Variants in TSC2 observed in about 807,000 individuals in gnomAD.
TSC2 encodes TSC complex subunit 2.
Under a neutral mutation model 202.2 loss-of-function variants are expected in TSC2, and 29 were observed. The ratio of observed to expected loss-of-function variants is 0.14; its 90% CI spans 0.11 to 0.20. The LOEUF (loss-of-function observed/expected upper bound fraction) is 0.20, where lower values mean the gene tolerates loss of function less well. TSC2 is among the 10% of genes least tolerant of loss of function. TSC2 has a pLI of 1.00. For missense variants in TSC2, 2,429 were observed against 2,420.0 expected (o/e 1.00, Z -0.08); for synonymous variants, 1,349 against 1,044.0 (o/e 1.29, Z -5.63).
At chr16:2,078,836 C>T in intron 26 of TSC2, 196 bp from the exon 27 acceptor site, 1 of 679,012 alleles carries the variant, frequency 1.5e-6, no homozygotes, top group Non-Finnish European at 2.5e-6. Flanking sequence ...CTTCCCCACC[C>T]AGCGTCTCCC....
At chr16:2,087,678 A>G (rs1004833027) in intron 38 of TSC2, among the ~76,000 whole-genome samples, 185 bp from the exon 39 acceptor site, 4 of 152,154 alleles carry the variant, frequency 2.6e-5, no homozygotes, top group Non-Finnish European at 5.9e-5. Flanking sequence ...TGCTGCGCCC[A>G]GATGTGGAGG....
chr16:2,081,480 T>G, intron 30 of TSC2, 115 bp from the exon 31 acceptor site: 4 of 1,296,540 alleles, frequency 3.1e-6, no homozygotes, highest in Non-Finnish European at 4.5e-6. Context: ...GTCCTGAGGA[T>G]TGTGGGAGGG....
In TSC2 at chr16:2,053,471, C is replaced by A. The variant is rs2151029584; in HGVS notation, c.336+19C>A. On this transcript the variant is annotated intron_variant, in intron 4 of 41. Coordinates refer to ENST00000219476, the MANE Select transcript of TSC2 (RefSeq NM_000548.5). ...GGGGCAGGTAAGGCCCAGGGCGACG[C>A]TGGGATGGGTGACGTCAGGCTGCCC... 2 of 1,552,114 alleles carry A rather than the reference C, an allele frequency of 1.3e-6. No homozygotes were observed. Among genetic ancestry groups the A allele is most frequent in the Non-Finnish European group, 1.7e-6 (2 of 1,147,750 alleles).
rs553684075 is a variant in TSC2 at position 2,065,455 on chromosome 16, T to G, written c.1600-64T>G. 835 of 1,181,688 alleles carry G rather than the reference T, an allele frequency of 7.1e-4. 4 individuals carry two copies. In the African/African-American group the frequency reaches 0.011, roughly 16 times the overall value. The allele number at this position is 1,181,688 out of a possible 1,614,324, so 73.2% of individuals were successfully genotyped here. Reference sequence around the variant, plus strand: ...AAAAAAAGGTGTTTGTGGTAGAAAGTGTTCTCACGGCTGCTGACTCAGAAC... The same window carrying G: ...AAAAAAAGGTGTTTGTGGTAGAAAGGGTTCTCACGGCTGCTGACTCAGAAC... On this transcript the variant is annotated intron_variant, in intron 15 of 41. Transcript: ENST00000219476.
At chr16:2,057,329 C>A in intron 9 of TSC2, 151 bp downstream of exon 9, 1 of 874,350 alleles carries the variant, frequency 1.1e-6, no homozygotes, top group African/African-American at 1.7e-5. Context: ...AGGCCCATGA[C>A]TTCTAGGATC....
chr16:2,080,899 C>G (rs997759211), intron 30 of TSC2: 1 of 169,116 alleles, frequency 5.9e-6, no homozygotes, highest in African/African-American at 2.4e-5. Flanking sequence ...GAGTTGCCCT[C>G]CCCGCCTGGA....
intron 6 of TSC2, 53 bp from the exon 7 acceptor site, chr16:2,056,143 T>A: frequency 6.2e-7 from 1 of 1,610,016 alleles, no homozygotes. Flanking sequence ...CAGCCCGTGG[T>A]GGCTCGGCCA....
Position 2,083,805 on chromosome 16 carries a change from G to T in TSC2, c.3994G>T (p.Ala1332Ser). Reference sequence around the variant, plus strand: ...GCTAGGCATGGACAGGCGCACGGATGCCTACAGCAGGGTGAGTGTGGCTCA... The same window carrying T: ...GCTAGGCATGGACAGGCGCACGGATTCCTACAGCAGGGTGAGTGTGGCTCA... Reference protein sequence around the residue: ...AALGMDRRTDAYSRSSSVSSQ... With the variant: ...AALGMDRRTDSYSRSSSVSSQ... The change falls in exon 33 of 42, where the codon GCC (alanine) becomes TCC (serine). Residue 1332 changes from alanine (A) to serine (S), a missense_variant. By Grantham distance (99) the Ala-to-Ser change is moderately conservative. Transcript: ENST00000219476. 1 of 1,611,178 alleles carries T rather than the reference G, an allele frequency of 6.2e-7. No individual in the cohort carries two copies. Among genetic ancestry groups the T allele is most frequent in the Non-Finnish European group, 8.5e-7 (1 of 1,179,566 alleles).
At position 2,071,413 on chromosome 16, in the gene TSC2, G is replaced by A. The variant is rs977647799; in HGVS notation, c.1840-97G>A. The A allele has an allele frequency of 7.1e-6, 9 of 1,270,290 alleles. No homozygotes were observed. In the Admixed American group the frequency reaches 7.6e-5, roughly 11 times the overall value. The allele number at this position is 1,270,290 out of a possible 1,614,324, so 78.7% of individuals were successfully genotyped here. A position where few individuals can be genotyped will look rare whatever the true frequency, so the allele number is the denominator to read the frequency against. ...CATCAGCAGGTGGCCTTTTCTGAGT[G>A]CCTGTGGTGCTGGACGTGGGTCTGA... On this transcript the variant is annotated intron_variant, in intron 17 of 41. Transcript: ENST00000219476.
At position 2,054,318 on chromosome 16, in the gene TSC2, G is replaced by A. The variant is rs2151040587; in HGVS notation, c.359G>A (p.Arg120Lys). The A allele has an allele frequency of 6.2e-7, 1 of 1,614,214 alleles. No individual in the cohort carries two copies. The highest frequency in any genetic ancestry group is 8.5e-7 in the Non-Finnish European group (1 of 1,180,026). ...TAGGGCGAGCGTTTGGGGGTCCTCAGAGCCCTCTTCTTTAAGGTCATCAAG... is the reference window on the plus strand; with the variant it reads ...TAGGGCGAGCGTTTGGGGGTCCTCAAAGCCCTCTTCTTTAAGGTCATCAAG... ...QGQGERLGVL[R>K]ALFFKVIKDY... is the part of the protein sequence containing the mutation. Residue 120 changes from arginine (R) to lysine (K), a missense_variant, in exon 5 of 42, where the codon AGA becomes AAA. Physicochemically the swap from Arg to Lys is conservative, Grantham distance 26. Coordinates refer to ENST00000219476, the MANE Select transcript of TSC2 (RefSeq NM_000548.5).
chr16:2,081,701 G>A lies in TSC2; in HGVS notation c.3717G>A (p.Glu1239=), dbSNP rs765060368. 2.5e-6 allele frequency: 4 copies of A among 1,612,958 alleles called. No individual in the cohort carries two copies. In the Admixed American group the frequency reaches 5.0e-5, roughly 20 times the overall value. ...TGTCTAACGCCCTCATGGCGGCTGAGCGCTTCAAGGAGCACCGGGACACAG... is the reference window on the plus strand; with the variant it reads ...TGTCTAACGCCCTCATGGCGGCTGAACGCTTCAAGGAGCACCGGGACACAG... The part of the protein sequence containing the change: ...QELSNALMAA[E]RFKEHRDTAL... The change falls in exon 31 of 42, where the codon GAG becomes GAA. Residue 1239 remains glutamate (E), a synonymous_variant. Transcript: ENST00000219476.
In TSC2 at chr16:2,064,303, A is replaced by C; in HGVS notation, c.1475A>C (p.Gln492Pro). The C allele has an allele frequency of 6.2e-7, 1 of 1,613,854 alleles. No individual in the cohort carries two copies. The highest frequency in any genetic ancestry group is 8.5e-7 in the Non-Finnish European group (1 of 1,180,022). ...CTGATTAACTCAGTGGTCATCTCGCAGCTCTCCCACATCCCCGAGGATAAA... is the reference window on the plus strand; with the variant it reads ...CTGATTAACTCAGTGGTCATCTCGCCGCTCTCCCACATCCCCGAGGATAAA... ...EELINSVVIS[Q>P]LSHIPEDKDH... Residue 492 changes from glutamine to proline, a missense_variant, in exon 15 of 42, where the codon CAG becomes CCG. Physicochemically the swap from Gln to Pro is moderately conservative, Grantham distance 76. Coordinates refer to ENST00000219476, the MANE Select transcript of TSC2 (RefSeq NM_000548.5).
At chr16:2,062,101 C>G in intron 12 of TSC2, 93 bp downstream of exon 12, 3 of 1,573,282 alleles carry the variant, frequency 1.9e-6, no homozygotes, top group East Asian at 2.3e-5. Flanking sequence ...CCTCAGAAGC[C>G]AAGGGCCAGG....
chr16:2,084,883 C>G (rs2090570602), intron 34 of TSC2, 68 bp from the exon 35 acceptor site: 2 of 1,607,354 alleles, frequency 1.2e-6, no homozygotes, highest in South Asian at 1.1e-5. Context: ...CTCTGTGTTC[C>G]TCCCTGTGGG....
Position 2,083,499 on chromosome 16 carries a change from C to A in TSC2, c.3884-196C>A, listed in dbSNP as rs569439554. 1.2e-5 allele frequency: 11 copies of A among 911,770 alleles called. No individual in the cohort carries two copies. In the East Asian group the frequency reaches 2.1e-4, roughly 18 times the overall value. The allele number at this position is 911,770 out of a possible 1,614,324, so 56.5% of individuals were successfully genotyped here. On this transcript the variant is annotated intron_variant, in intron 32 of 41. Coordinates refer to ENST00000219476, the MANE Select transcript of TSC2 (RefSeq NM_000548.5). ...CCCCCGGGCACTCATGCAGGAGAGG[C>A]CTGTGTCGGGGTCACGTGCAGGCCT...
chr16:2,076,439 C>T (rs1281639027), intron 24 of TSC2, 52 bp from the exon 25 acceptor site: 1 of 1,608,296 alleles, frequency 6.2e-7, no homozygotes, highest in African/African-American at 1.3e-5. Flanking sequence ...CTGGTGAGGG[C>T]CTCCAGCCCC....
intron 32 of TSC2, 30 bp from the exon 33 acceptor site, chr16:2,083,665 C>T (rs1242504524): frequency 3.2e-6 from 5 of 1,563,280 alleles, no homozygotes; most frequent in Non-Finnish European, 4.3e-6. Flanking sequence ...CCCAGCCCCA[C>T]ATCCAGCAGC....
chr16:2,061,732 G>T, intron 11 of TSC2, 139 bp from the exon 12 acceptor site: 1 of 1,441,108 alleles, frequency 6.9e-7, no homozygotes. Flanking sequence ...GAGGGCTGGG[G>T]GCGTCTGTCC....
chr16:2,048,731 T>C lies in TSC2; in HGVS notation c.116T>C (p.Ile39Thr), dbSNP rs184437554. 1.9e-6 allele frequency: 3 copies of C among 1,614,014 alleles called. No individual in the cohort carries two copies. In the East Asian group the frequency reaches 6.7e-5, roughly 36 times the overall value. ...GCAGAGGGTAAACAGACGGAGTTTA[T>C]CATCACCGCGGAAATACTGAGAGTG... ...RSAEGKQTEF[I>T]ITAEILRELS... Residue 39 changes from isoleucine to threonine, a missense_variant, in exon 2 of 42, where the codon ATC becomes ACC. By Grantham distance (89) the Ile-to-Thr change is moderately conservative (BLOSUM62 -1). Transcript: ENST00000219476.
Sources: allele counts gnomAD v4.1 joint callset (sites outside exome capture counted in the v4.1 genomes callset), GRCh38; gene constraint gnomAD v4.1.1; transcripts MANE v1.5; gene names NCBI Gene and HGNC (gene_info 2026-07-23, HGNC 2026-07-21).